RBPJ: variants seen among roughly 807,000 people sequenced by gnomAD.
RBPJ encodes the protein recombining binding protein suppressor of hairless.
Under a neutral mutation model 67.8 loss-of-function variants are expected in RBPJ, and 9 were observed. The ratio of observed to expected loss-of-function variants is 0.13; its 90% CI spans 0.08 to 0.23. The LOEUF is 0.23. Ranked by LOEUF, RBPJ falls within the 10% of genes least tolerant of loss-of-function variation. The pLI, the probability that RBPJ is intolerant of heterozygous loss-of-function variation, is 1.00. For missense variants in RBPJ, 305 were observed against 595.6 expected (o/e 0.51, Z 5.08); for synonymous variants, 198 against 203.3 (o/e 0.97, Z 0.22).
intron 3 of RBPJ, among the ~76,000 whole-genome samples, chr4:26,407,577 G>A (rs1577633336): frequency 6.6e-6 from 1 of 152,138 alleles, no homozygotes; most frequent in Admixed American, 6.5e-5. Context: ...CTTTCAAACA[G>A]CATTTTTTGG....
chr4:26,407,878 T>G (rs905570601), intron 3 of RBPJ, among the ~76,000 whole-genome samples: 1 of 122,816 alleles, frequency 8.1e-6, no homozygotes, highest in Non-Finnish European at 1.7e-5. Flanking sequence ...GGTAAAGCTT[T>G]CTTTCTTTTT....
At chr4:26,420,267 G>A (rs887179869) in intron 4 of RBPJ, among the ~76,000 whole-genome samples, 1 of 152,084 alleles carries the variant, frequency 6.6e-6, no homozygotes, top group African/African-American at 2.4e-5. Context: ...TGATACAGTT[G>A]TAGAGCTATG....
chr4:26,409,017 T>C (rs935277660), intron 3 of RBPJ, among the ~76,000 whole-genome samples: 17 of 152,244 alleles, frequency 1.1e-4, no homozygotes. Flanking sequence ...TAGCTTCAAA[T>C]TTAGGCAAGC....
At chr4:26,121,159 C>A in the RBPJ span, among the ~76,000 whole-genome samples, 2 of 152,110 alleles carry the variant, frequency 1.3e-5, no homozygotes, top group East Asian at 3.9e-4. Context: ...AGATTCCAAG[C>A]ACTCACCTGA....
chr4:26,156,931 C>T, the RBPJ span, among the ~76,000 whole-genome samples: 2 of 149,866 alleles, frequency 1.3e-5, no homozygotes, highest in Admixed American at 1.3e-4. Context: ...ATAAATTAGC[C>T]AGGTGTGGTG....
At chr4:26,405,393 T>A (rs903042901) in intron 2 of RBPJ, among the ~76,000 whole-genome samples, 1 of 152,248 alleles carries the variant, frequency 6.6e-6, no homozygotes, top group Non-Finnish European at 1.5e-5. Flanking sequence ...AGAATTGTTA[T>A]AGTTTCATCT....
intron 1 of RBPJ, among the ~76,000 whole-genome samples, chr4:26,189,134 A>G (rs1717384466): frequency 6.6e-6 from 1 of 152,192 alleles, no homozygotes; most frequent in South Asian, 2.1e-4. Context: ...GAAGGATCAC[A>G]TGAGGCCAGG....
chr4:26,346,788 T>G (rs1726198790), intron 1 of RBPJ, among the ~76,000 whole-genome samples: 1 of 152,076 alleles, frequency 6.6e-6, no homozygotes, highest in Admixed American at 6.6e-5. Context: ...GGTCAGGAGT[T>G]TGAGACCAGC....
At chr4:26,134,000 C>A in the RBPJ span, among the ~76,000 whole-genome samples, 1 of 152,084 alleles carries the variant, frequency 6.6e-6, no homozygotes, top group Non-Finnish European at 1.5e-5. Context: ...AGCTTCCCTA[C>A]CCTAAAGTTG....
chr4:26,348,310 G>C (rs1374603789), intron 1 of RBPJ, among the ~76,000 whole-genome samples: 2 of 152,052 alleles, frequency 1.3e-5, no homozygotes, highest in African/African-American at 4.8e-5. Flanking sequence ...TTGTCTCCTG[G>C]AGGGGTGACG....
intron 1 of RBPJ, chr4:26,272,852 G>A (rs989498617): frequency 3.5e-5 from 11 of 312,802 alleles, no homozygotes; most frequent in African/African-American, 1.1e-4. Context: ...CATACATTGC[G>A]CAGAAAGCTG....
chr4:26,232,738 T>A (rs917518572), intron 1 of RBPJ, among the ~76,000 whole-genome samples: 3 of 152,218 alleles, frequency 2.0e-5, no homozygotes, highest in Admixed American at 6.5e-5. Context: ...GGAGTTCAAG[T>A]ATGTGGTCCC....
At chr4:26,134,882 G>A in the RBPJ span, among the ~76,000 whole-genome samples, 9 of 152,282 alleles carry the variant, frequency 5.9e-5, no homozygotes, top group Admixed American at 2.6e-4. Context: ...TCTCAAGATC[G>A]TCAAGTCTCC....
intron 1 of RBPJ, among the ~76,000 whole-genome samples, chr4:26,376,701 A>C (rs890745596): frequency 1.2e-4 from 19 of 152,320 alleles, no homozygotes. Flanking sequence ...TTGAGGAACC[A>C]TACTGTTTTC....
intron 1 of RBPJ, among the ~76,000 whole-genome samples, chr4:26,180,810 A>G (rs1436065116): frequency 1.3e-5 from 2 of 152,230 alleles, no homozygotes; most frequent in African/African-American, 4.8e-5. Context: ...AGGAGAATAG[A>G]TGTGTTCACA....
At chr4:26,319,656 C>T, upstream of RBPJ, 1 of 636,844 alleles carries the variant, frequency 1.6e-6, no homozygotes, top group Non-Finnish European at 2.9e-6. Context: ...TGTGTCTGAG[C>T]CGAGTAGTGG....
chr4:26,364,605 T>C (rs1043883746), intron 1 of RBPJ, among the ~76,000 whole-genome samples: 4 of 151,494 alleles, frequency 2.6e-5, no homozygotes, highest in African/African-American at 9.7e-5. Flanking sequence ...AGACTTTTTT[T>C]TTTTTTTCTT....
chr4:26,289,186 C>T (rs897231459), intron 1 of RBPJ, among the ~76,000 whole-genome samples: 2 of 149,834 alleles, frequency 1.3e-5, no homozygotes, highest in African/African-American at 4.9e-5. Flanking sequence ...CACTAGAGGT[C>T]AGGAGTTCAA....
chr4:26,323,915 T>G (rs1473237837), intron 1 of RBPJ, among the ~76,000 whole-genome samples: 2 of 152,242 alleles, frequency 1.3e-5, no homozygotes, highest in Non-Finnish European at 2.9e-5. Context: ...TAAAGCATTA[T>G]TTTGCATTTT....
Sources: gnomAD v4.1 joint callset for allele counts (sites outside exome capture counted in the v4.1 genomes callset) on GRCh38, gnomAD v4.1.1 for gene constraint, MANE v1.5 for transcripts, NCBI Gene and HGNC (gene_info 2026-07-23, HGNC 2026-07-21) for gene names.